SDK1: variants seen among roughly 807,000 people sequenced by gnomAD.
The protein encoded by SDK1 is protein sidekick-1.
Under a neutral mutation model 245.5 loss-of-function variants are expected in SDK1, and 157 were observed. The observed-to-expected ratio is 0.64, with a 90% CI of 0.56 to 0.73. SDK1 has a LOEUF of 0.73. Ranked by LOEUF, SDK1 falls within the 30% of genes least tolerant of loss-of-function variation. The probability of loss-of-function intolerance (pLI) is 0.00; values close to 1 mark genes in which losing one functional copy is unlikely to be tolerated. For synonymous variants in SDK1, 1,647 were observed against 1,278.5 expected, an observed-to-expected ratio of 1.29 and a Z score of -6.15; for missense variants, 3,583 against 3,002.3, an observed-to-expected ratio of 1.19 and a Z score of -4.52.
intron 1 of SDK1, among the ~76,000 whole-genome samples, chr7:3,543,045 T>G (rs17133533): frequency 0.25 from 37,784 of 152,110 alleles, 4,933 homozygotes; most frequent in East Asian, 0.36. Context: ...TGTTCTCATC[T>G]CCATCTGGGA....
At chr7:3,917,778 G>A (rs190337624) in intron 5 of SDK1, among the ~76,000 whole-genome samples, 1 of 152,120 alleles carries the variant, frequency 6.6e-6, no homozygotes, top group African/African-American at 2.4e-5. Flanking sequence ...CTTCTCTCCT[G>A]CTACATACAT....
chr7:4,229,271 C>T (rs932176302), intron 40 of SDK1, among the ~76,000 whole-genome samples: 6 of 152,004 alleles, frequency 3.9e-5, no homozygotes, highest in East Asian at 1.9e-4. Context: ...AATATTAGTA[C>T]GAGATAAGTA....
chr7:3,782,321 TG>T (rs1780771799), intron 4 of SDK1, among the ~76,000 whole-genome samples: 1 of 152,192 alleles, frequency 6.6e-6, no homozygotes, highest in South Asian at 2.1e-4. Flanking sequence ...CTCATTACCA[TG>T]GGGAGAGCAG....
intron 4 of SDK1, among the ~76,000 whole-genome samples, chr7:3,750,064 G>A (rs1779731735): frequency 6.6e-6 from 1 of 152,160 alleles, no homozygotes; most frequent in South Asian, 2.1e-4. Flanking sequence ...TCTTTGCCTA[G>A]CAGAAAATTC....
chr7:4,193,134 A>C (rs1947239890), intron 35 of SDK1, among the ~76,000 whole-genome samples: 1 of 133,432 alleles, frequency 7.5e-6, no homozygotes, highest in Non-Finnish European at 1.5e-5. Context: ...TAATATATAA[A>C]TATATTAATA....
intron 1 of SDK1, among the ~76,000 whole-genome samples, chr7:3,394,829 T>C (rs1027536469): frequency 5.9e-5 from 9 of 152,128 alleles, no homozygotes; most frequent in African/African-American, 2.2e-4. Context: ...TATAATTGAT[T>C]TTTATATATT....
chr7:3,473,625 A>C lies in SDK1; in HGVS notation c.299-145455A>C, dbSNP rs140592371. Reference sequence around the variant, plus strand: ...TCTACTCCTTGCTTCCATGTGCTTTATTCATGACTACCTTTTATTTCCTGG... The same window carrying C: ...TCTACTCCTTGCTTCCATGTGCTTTCTTCATGACTACCTTTTATTTCCTGG... On this transcript the variant is annotated intron_variant, in intron 1 of 44. Coordinates refer to ENST00000404826, the MANE Select transcript of SDK1 (RefSeq NM_152744.4). 1.2e-3 allele frequency among the ~76,000 whole-genome samples: 181 copies of C among 152,230 alleles called. 1 individual carries two copies. The highest frequency in any genetic ancestry group is 2.6e-3 in the Admixed American group (40 of 15,308).
At chr7:3,611,647 A>G (rs1269714909) in intron 1 of SDK1, among the ~76,000 whole-genome samples, 1 of 152,110 alleles carries the variant, frequency 6.6e-6, no homozygotes. Flanking sequence ...TGGTCGTGCT[A>G]GTTTACATTC....
At chr7:3,927,080 G>A (rs532164149) in intron 5 of SDK1, among the ~76,000 whole-genome samples, 56 of 152,256 alleles carry the variant, frequency 3.7e-4, no homozygotes, top group African/African-American at 1.3e-3. Flanking sequence ...CCTGTGATGG[G>A]CAGGTAGGGC....
intron 1 of SDK1, among the ~76,000 whole-genome samples, chr7:3,551,833 A>G (rs1346668575): frequency 3.9e-5 from 6 of 151,972 alleles, no homozygotes; most frequent in Non-Finnish European, 7.4e-5. Context: ...GAGCCACTGC[A>G]CCTGGCCTAA....
At position 3,367,998 on chromosome 7, in the gene SDK1, CTG is replaced by C. The variant is rs948949049; in HGVS notation, c.298+66117_298+66118del. On this transcript the variant is annotated intron_variant, in intron 1 of 44. Transcript: ENST00000404826. Reference sequence around the variant, plus strand: ...TGTAAGGATGAACATTGCAGAAAGACTGTGAAAAAGTGGTGCCATCACATCAT... The same window carrying C: ...TGTAAGGATGAACATTGCAGAAAGACTGAAAAAGTGGTGCCATCACATCAT... Among the ~76,000 whole-genome samples, 4 of 152,294 alleles carry C rather than the reference CTG, an allele frequency of 2.6e-5. No individual in the cohort carries two copies. In the East Asian group the frequency reaches 7.7e-4, roughly 29 times the overall value.
At position 3,959,887 on chromosome 7, in the gene SDK1, C is replaced by T. The variant is rs559819397; in HGVS notation, c.1234+873C>T. 5.3e-5 allele frequency among the ~76,000 whole-genome samples: 8 copies of T among 152,152 alleles called. No individual in the cohort carries two copies. In the South Asian group the frequency reaches 1.2e-3, roughly 24 times the overall value. Reference sequence around the variant, plus strand: ...CCCCATGCTTCAATTACAAGCTGCCCACTGTCACCGTCTCATGTCGGGCAG... The same window carrying T: ...CCCCATGCTTCAATTACAAGCTGCCTACTGTCACCGTCTCATGTCGGGCAG... On this transcript the variant is annotated intron_variant, in intron 8 of 44. Transcript: ENST00000404826.
At chr7:3,497,968 A>T (rs1782076814) in intron 1 of SDK1, among the ~76,000 whole-genome samples, 1 of 152,204 alleles carries the variant, frequency 6.6e-6, no homozygotes, top group South Asian at 2.1e-4. Context: ...CAGTGACCTT[A>T]TCACGGAGAC....
At chr7:4,092,168 TTG>T (rs910073757) in intron 22 of SDK1, among the ~76,000 whole-genome samples, 1 of 152,170 alleles carries the variant, frequency 6.6e-6, no homozygotes, top group Non-Finnish European at 1.5e-5. Flanking sequence ...TCACGGGTGA[TTG>T]AGAGAACTAG....
At chr7:4,191,372 A>G (rs1365766580) in intron 35 of SDK1, among the ~76,000 whole-genome samples, 1 of 152,128 alleles carries the variant, frequency 6.6e-6, no homozygotes. Context: ...AGTATTACTC[A>G]TCTGACGTCC....
intron 14 of SDK1, among the ~76,000 whole-genome samples, chr7:4,008,481 C>G (rs976773294): frequency 6.6e-6 from 1 of 152,268 alleles, no homozygotes; most frequent in African/African-American, 2.4e-5. Context: ...CCCCTGTACC[C>G]TTTCCCCATT....
intron 5 of SDK1, among the ~76,000 whole-genome samples, chr7:3,822,135 G>A (rs1342104161): frequency 6.6e-6 from 1 of 152,138 alleles, no homozygotes; most frequent in Non-Finnish European, 1.5e-5. Context: ...TTTAGTTTGA[G>A]TAAACTTAGT....
chr7:3,419,016 C>A (rs1779461873), intron 1 of SDK1, among the ~76,000 whole-genome samples: 1 of 152,202 alleles, frequency 6.6e-6, no homozygotes, highest in Non-Finnish European at 1.5e-5. Context: ...AAAGTCGTAA[C>A]TCCTTTTTCC....
rs113930629 is a variant in SDK1 at position 3,956,953 on chromosome 7, G to A, written c.1151-1978G>A. Among the ~76,000 whole-genome samples the A allele has an allele frequency of 9.2e-5, 14 of 152,310 alleles. 1 individual carries two copies. Among genetic ancestry groups the A allele is most frequent in the South Asian group, 4.1e-4 (2 of 4,828 alleles). On this transcript the variant is annotated intron_variant, in intron 7 of 44. Transcript: ENST00000404826. Reference sequence around the variant, plus strand: ...CTGTACCAGGCGACAACGGTAATCAGTACCTCAGGGAAGGCACCCTGGGCC... The same window carrying A: ...CTGTACCAGGCGACAACGGTAATCAATACCTCAGGGAAGGCACCCTGGGCC...
Sources: gnomAD v4.1 joint callset for allele counts (sites outside exome capture counted in the v4.1 genomes callset) on GRCh38, gnomAD v4.1.1 for gene constraint, MANE v1.5 for transcripts, NCBI Gene and HGNC (gene_info 2026-07-23, HGNC 2026-07-21) for gene names.